Variants in TMEM117 observed in about 807,000 individuals in gnomAD.
TMEM117 encodes the protein transmembrane protein 117.
TMEM117 carries 27 observed loss-of-function variants against 52.4 expected under a neutral mutation model. The observed-to-expected ratio is 0.51, with a 90% CI of 0.38 to 0.71. TMEM117 has a LOEUF of 0.71. Ranked by LOEUF, TMEM117 falls within the 30% of genes least tolerant of loss-of-function variation. TMEM117 has a pLI of 0.00. For missense variants in TMEM117, 556 were observed against 630.5 expected, an observed-to-expected ratio of 0.88 and a Z score of 1.26; for synonymous variants, 215 against 206.3, an observed-to-expected ratio of 1.04 and a Z score of -0.36.
intron 4 of TMEM117, among the ~76,000 whole-genome samples, chr12:44,175,725 T>C (rs1949108201): frequency 6.6e-6 from 1 of 152,046 alleles, no homozygotes; most frequent in Non-Finnish European, 1.5e-5. Context: ...AAAAGGTAGA[T>C]TGACAGAGAT....
At chr12:43,812,436 C>CT in the TMEM117 span, among the ~76,000 whole-genome samples, 1 of 152,186 alleles carries the variant, frequency 6.6e-6, no homozygotes, top group Non-Finnish European at 1.5e-5. Flanking sequence ...TGTTCTTTCT[C>CT]TTTACTCACT....
chr12:44,267,640 T>C (rs1214714245), intron 5 of TMEM117, among the ~76,000 whole-genome samples: 1 of 152,220 alleles, frequency 6.6e-6, no homozygotes, highest in African/African-American at 2.4e-5. Flanking sequence ...ACACACCTTG[T>C]ATAACCAAAG....
chr12:44,188,582 C>T (rs1949309124), intron 4 of TMEM117, among the ~76,000 whole-genome samples: 1 of 152,024 alleles, frequency 6.6e-6, no homozygotes, highest in African/African-American at 2.4e-5. Flanking sequence ...AACAAGCTTC[C>T]TTGCTCCTAC....
chr12:43,955,836 C>T (rs1945297116), intron 3 of TMEM117, among the ~76,000 whole-genome samples: 1 of 152,100 alleles, frequency 6.6e-6, no homozygotes, highest in Admixed American at 6.6e-5. Context: ...GCTAAAGTGA[C>T]AGTTGTAAGC....
At chr12:44,047,738 C>T (rs1410180776) in intron 3 of TMEM117, among the ~76,000 whole-genome samples, 1 of 152,068 alleles carries the variant, frequency 6.6e-6, no homozygotes, top group Non-Finnish European at 1.5e-5. Context: ...CCCAATTGGT[C>T]AAGATGTATC....
chr12:44,283,281 G>A (rs984755063), intron 5 of TMEM117, among the ~76,000 whole-genome samples: 4 of 152,136 alleles, frequency 2.6e-5, no homozygotes, highest in Non-Finnish European at 5.9e-5. Flanking sequence ...TCAGAACCCA[G>A]AATGGTAGAC....
rs117347493 is a variant in TMEM117 at position 43,916,666 on chromosome 12, A to G, written c.278-27544A>G. ...TGTCAGAAGGAGAAACACAATGAAGAGTTGTTACATTACTGTTGCTGGAGT... is the reference window on the plus strand; with the variant it reads ...TGTCAGAAGGAGAAACACAATGAAGGGTTGTTACATTACTGTTGCTGGAGT... On this transcript the variant is annotated intron_variant, in intron 2 of 7. Transcript: ENST00000266534. Among the ~76,000 whole-genome samples, 494 of 152,338 alleles carry G rather than the reference A, an allele frequency of 3.2e-3. 2 individuals carry two copies. Among genetic ancestry groups the G allele is most frequent in the Non-Finnish European group, 6.0e-3 (409 of 68,030 alleles).
intron 5 of TMEM117, among the ~76,000 whole-genome samples, chr12:44,271,375 A>T (rs1251818639): frequency 6.6e-6 from 1 of 152,054 alleles, no homozygotes; most frequent in Non-Finnish European, 1.5e-5. Context: ...GTCTTTTCCA[A>T]GTACACATAA....
intron 6 of TMEM117, among the ~76,000 whole-genome samples, chr12:44,310,670 T>G (rs1192935734): frequency 6.6e-6 from 1 of 152,152 alleles, no homozygotes; most frequent in African/African-American, 2.4e-5. Flanking sequence ...ACCGGAACCT[T>G]TACAGAGATG....
the TMEM117 span, chr12:43,797,698 C>T: frequency 1.2e-6 from 2 of 1,610,454 alleles, no homozygotes; most frequent in Non-Finnish European, 1.7e-6. Flanking sequence ...AATCATTATA[C>T]ATCTCTTACC....
intron 5 of TMEM117, among the ~76,000 whole-genome samples, chr12:44,279,019 C>A (rs1020040081): frequency 1.3e-5 from 2 of 152,130 alleles, no homozygotes; most frequent in Admixed American, 6.5e-5. Flanking sequence ...TAAATTATAG[C>A]CCATTTTCCA....
At chr12:44,108,226 C>CT (rs1392584649) in intron 3 of TMEM117, among the ~76,000 whole-genome samples, 4 of 151,050 alleles carry the variant, frequency 2.6e-5, no homozygotes, top group African/African-American at 4.9e-5. Flanking sequence ...TTATTATACT[C>CT]TAAGTTTTAG....
intron 5 of TMEM117, among the ~76,000 whole-genome samples, chr12:44,223,485 T>G (rs1039020826): frequency 6.6e-6 from 1 of 152,012 alleles, no homozygotes; most frequent in African/African-American, 2.4e-5. Context: ...CATTTGGAAC[T>G]AGATCCCTCA....
intron 4 of TMEM117, among the ~76,000 whole-genome samples, chr12:44,161,549 G>A (rs780058392): frequency 6.6e-6 from 1 of 152,126 alleles, no homozygotes; most frequent in Non-Finnish European, 1.5e-5. Flanking sequence ...TTAAACGAAT[G>A]GAATTTATAT....
chr12:44,226,346 T>G (rs1357770458), intron 5 of TMEM117, among the ~76,000 whole-genome samples: 1 of 152,178 alleles, frequency 6.6e-6, no homozygotes, highest in East Asian at 1.9e-4. Context: ...AGAAATGCCC[T>G]TGAAATAGCA....
intron 6 of TMEM117, among the ~76,000 whole-genome samples, chr12:44,308,326 A>G (rs1295985661): frequency 6.6e-6 from 1 of 152,166 alleles, no homozygotes; most frequent in Non-Finnish European, 1.5e-5. Flanking sequence ...TTTTTCTTAT[A>G]ATTAGAGCTT....
chr12:44,146,411 A>G (rs971680234), intron 4 of TMEM117, among the ~76,000 whole-genome samples: 20 of 152,216 alleles, frequency 1.3e-4, no homozygotes, highest in Non-Finnish European at 4.4e-5. Flanking sequence ...GAACCTCACA[A>G]TGTGATCTTA....
At chr12:44,097,952 A>G (rs573226873) in intron 3 of TMEM117, among the ~76,000 whole-genome samples, 40 of 152,196 alleles carry the variant, frequency 2.6e-4, no homozygotes, top group African/African-American at 9.1e-4. Flanking sequence ...ATAGGTATCT[A>G]TAATGAATTT....
intron 6 of TMEM117, among the ~76,000 whole-genome samples, chr12:44,342,193 T>C (rs1276364281): frequency 2.6e-5 from 4 of 152,174 alleles, no homozygotes; most frequent in African/African-American, 9.6e-5. Flanking sequence ...GTTTGTCATG[T>C]CTAAAGGCCA....
Sources: gnomAD v4.1 joint callset for allele counts (sites outside exome capture counted in the v4.1 genomes callset) on GRCh38, gnomAD v4.1.1 for gene constraint, MANE v1.5 for transcripts, NCBI Gene and HGNC (gene_info 2026-07-23, HGNC 2026-07-21) for gene names.